The following TBC1D1 variants were observed in gnomAD, a reference collection of about 807,000 sequenced individuals.
TBC1D1 encodes TBC1 domain family member 1, also known as TBC1 (tre-2/USP6, BUB2, cdc16) domain family, member 1.
Under a neutral mutation model 125.6 loss-of-function variants are expected in TBC1D1, and 89 were observed. The observed-to-expected ratio is 0.71, with a 90% CI of 0.60 to 0.85. The LOEUF (loss-of-function observed/expected upper bound fraction) is 0.85, where lower values mean the gene tolerates loss of function less well. Among genes scored for constraint, TBC1D1 ranks in the 40% least tolerant of loss-of-function variants. The pLI is 0.00. For missense variants in TBC1D1, 1,377 were observed against 1,469.2 expected, an observed-to-expected ratio of 0.94 and a Z score of 1.03; for synonymous variants, 565 against 564.1, an observed-to-expected ratio of 1.00 and a Z score of -0.02.
intron 2 of TBC1D1, among the ~76,000 whole-genome samples, chr4:37,973,260 C>A (rs1732418280): frequency 6.6e-6 from 1 of 152,190 alleles, no homozygotes; most frequent in Non-Finnish European, 1.5e-5. Context: ...CTAACCCAGA[C>A]TGCAGGAGCC....
At chr4:38,097,272 C>T (rs1038862575) in intron 14 of TBC1D1, among the ~76,000 whole-genome samples, 41 of 152,224 alleles carry the variant, frequency 2.7e-4, no homozygotes, top group African/African-American at 9.4e-4. Flanking sequence ...AAGCTATTCT[C>T]CTGCCTCAGC....
chr4:38,024,934 A>G (rs772598949), intron 6 of TBC1D1, among the ~76,000 whole-genome samples: 2 of 152,272 alleles, frequency 1.3e-5, no homozygotes, highest in African/African-American at 2.4e-5. Flanking sequence ...GATAGAATCA[A>G]TAACGCTGTT....
intron 17 of TBC1D1, among the ~76,000 whole-genome samples, chr4:38,120,493 C>T (rs540513136): frequency 1.3e-5 from 2 of 152,138 alleles, no homozygotes; most frequent in Non-Finnish European, 2.9e-5. Flanking sequence ...CTTTTTTGGC[C>T]TAGGGCCCAT....
chr4:38,072,783 C>T lies in TBC1D1; in HGVS notation c.2051-17149C>T, dbSNP rs545364271. Among the ~76,000 whole-genome samples the T allele has an allele frequency of 3.3e-5, 5 of 152,294 alleles. No individual in the cohort carries two copies. In the East Asian group the frequency reaches 7.7e-4, roughly 24 times the overall value. On this transcript the variant is annotated intron_variant, in intron 12 of 19. Transcript: ENST00000261439. ...ATAAACAACTCCTATTCCCCCTCTC[C>T]CAGCCCCTGGCAACCACCATTCTAC...
rs562370188 is a variant in TBC1D1, at chr4:38,081,962, G to A, written c.2051-7970G>A. ...TTAGCTCTGTGTCCCATGTCTTGCC[G>A]TGGAGGGATAAAACCAATTCCTAGC... On this transcript the variant is annotated intron_variant, in intron 12 of 19. Transcript: ENST00000261439. 5.9e-5 allele frequency among the ~76,000 whole-genome samples: 9 copies of A among 152,288 alleles called. No individual in the cohort carries two copies. The East Asian group carries it at 1.2e-3, about 20-fold the overall frequency.
intron 13 of TBC1D1, among the ~76,000 whole-genome samples, chr4:38,093,579 C>T (rs1758815137): frequency 2.1e-5 from 3 of 145,702 alleles, no homozygotes; most frequent in Non-Finnish European, 4.5e-5. Context: ...GGCTACAGTA[C>T]AGTGGCACAA....
intron 12 of TBC1D1, among the ~76,000 whole-genome samples, chr4:38,057,340 C>T (rs988178197): frequency 1.3e-5 from 2 of 152,206 alleles, no homozygotes; most frequent in East Asian, 3.9e-4. Context: ...CCCTCCCCTT[C>T]CCTTGTATCC....
At chr4:38,008,589 G>T (rs886516440) in intron 2 of TBC1D1, among the ~76,000 whole-genome samples, 1 of 152,176 alleles carries the variant, frequency 6.6e-6, no homozygotes, top group Non-Finnish European at 1.5e-5. Flanking sequence ...TGAAAAAGGG[G>T]CCCCTGTGTC....
intron 2 of TBC1D1, among the ~76,000 whole-genome samples, chr4:37,907,689 A>G (rs1717628453): frequency 6.6e-6 from 1 of 152,216 alleles, no homozygotes; most frequent in East Asian, 1.9e-4. Flanking sequence ...CACTCTGGAA[A>G]CTGATGGTTG....
intron 5 of TBC1D1, 148 bp from the exon 6 acceptor site, chr4:38,021,438 A>G: frequency 1.7e-6 from 1 of 598,114 alleles, no homozygotes; most frequent in South Asian, 2.8e-5. Flanking sequence ...CCTAGCTGTT[A>G]TTCCAATTAT....
chr4:37,939,213 C>T (rs1725022036), intron 2 of TBC1D1, among the ~76,000 whole-genome samples: 1 of 152,222 alleles, frequency 6.6e-6, no homozygotes, highest in Non-Finnish European at 1.5e-5. Context: ...TTAATGATTG[C>T]CATTCTAACC....
Position 38,118,140 on chromosome 4 carries a change from C to T in TBC1D1, c.2910C>T (p.Phe970=), listed in dbSNP as rs1763274533. 2 of 1,614,224 alleles carry T rather than the reference C, an allele frequency of 1.2e-6. No individual in the cohort carries two copies. The highest frequency in any genetic ancestry group is 1.3e-5 in the African/African-American group (1 of 75,064). The change falls in exon 17 of 20, where the codon TTC becomes TTT. Residue 970 remains phenylalanine, a synonymous_variant. Coordinates refer to ENST00000261439, the MANE Select transcript of TBC1D1 (RefSeq NM_015173.4). ...CCAGCCTCTACGCTGCCCCCTGGTT[C>T]CTCACCATGTTTGCCTCACAGTTCC...
chr4:37,898,708 C>G (rs1000919844), intron 1 of TBC1D1, among the ~76,000 whole-genome samples: 1 of 152,124 alleles, frequency 6.6e-6, no homozygotes, highest in African/African-American at 2.4e-5. Context: ...ATAAATTGTC[C>G]TTCGTCTCCA....
At position 38,044,497 on chromosome 4, in the gene TBC1D1, A is replaced by G; in HGVS notation, c.1542+7A>G. On this transcript the variant is annotated splice_region_variant and intron_variant, in intron 9 of 19. Coordinates refer to ENST00000261439, the MANE Select transcript of TBC1D1 (RefSeq NM_015173.4). ...AGAAAGTATTTTGTCCCGGGTAAGT[A>G]GCATAATTTCTCCTGATTTAAGTTA... is the stretch of plus-strand genomic sequence containing the variant. 6.2e-7 allele frequency: 1 copy of G among 1,602,308 alleles called. No individual in the cohort carries two copies. The highest frequency in any genetic ancestry group is 8.5e-7 in the Non-Finnish European group (1 of 1,176,884).
intron 19 of TBC1D1, among the ~76,000 whole-genome samples, chr4:38,134,520 G>A (rs899235308): frequency 6.6e-6 from 1 of 152,184 alleles, no homozygotes; most frequent in African/African-American, 2.4e-5. Context: ...GCCTGTAGGG[G>A]TACACAGTGT....
At chr4:37,948,658 A>G (rs949335478) in intron 2 of TBC1D1, among the ~76,000 whole-genome samples, 1 of 151,962 alleles carries the variant, frequency 6.6e-6, no homozygotes, top group African/African-American at 2.4e-5. Context: ...CATTTGAAGT[A>G]TACAGTTCAG....
chr4:37,895,863 C>A (rs574314529), intron 1 of TBC1D1, among the ~76,000 whole-genome samples: 1 of 152,310 alleles, frequency 6.6e-6, no homozygotes, highest in South Asian at 2.1e-4. Context: ...GAAACAGCCT[C>A]TACTCCAAGG....
At chr4:38,080,819 G>C (rs1259460659) in intron 12 of TBC1D1, among the ~76,000 whole-genome samples, 1 of 152,170 alleles carries the variant, frequency 6.6e-6, no homozygotes, top group East Asian at 1.9e-4. Flanking sequence ...TCTCCTTAGG[G>C]GTGGAGCTTG....
intron 2 of TBC1D1, among the ~76,000 whole-genome samples, chr4:37,917,367 C>T (rs1001210802): frequency 1.3e-5 from 2 of 151,956 alleles, no homozygotes; most frequent in Admixed American, 6.6e-5. Context: ...CCCAGCTACT[C>T]GGGAGGCTGA....
Sources: allele counts gnomAD v4.1 joint callset (sites outside exome capture counted in the v4.1 genomes callset), GRCh38; gene constraint gnomAD v4.1.1; transcripts MANE v1.5; gene names NCBI Gene and HGNC (gene_info 2026-07-23, HGNC 2026-07-21).